The following GABRB1 variants were observed in gnomAD, a reference collection of about 807,000 sequenced individuals.
GABRB1 encodes gamma-aminobutyric acid receptor subunit beta-1.
A neutral mutation model predicts 51.6 loss-of-function variants in GABRB1; 17 were observed. That is an observed-to-expected ratio of 0.33 (90% confidence interval 0.23 to 0.49). The LOEUF is 0.49. Among genes scored for constraint, GABRB1 ranks in the 20% least tolerant of loss-of-function variants. The probability of loss-of-function intolerance (pLI) is 0.99; values close to 1 mark genes in which losing one functional copy is unlikely to be tolerated. For synonymous variants in GABRB1, 247 were observed against 218.9 expected (o/e 1.13, Z -1.14); for missense variants, 410 against 600.6 (o/e 0.68, Z 3.32).
chr4:47,012,702 GTA>G (rs1472864516), intron 1 of GABRB1, among the ~76,000 whole-genome samples: 2 of 152,140 alleles, frequency 1.3e-5, no homozygotes, highest in Non-Finnish European at 2.9e-5. Context: ...GTTGACACAG[GTA>G]TCTGGCTCCT....
chr4:47,023,842 AG>A (rs1401332341), intron 1 of GABRB1, among the ~76,000 whole-genome samples: 2 of 151,986 alleles, frequency 1.3e-5, no homozygotes, highest in African/African-American at 4.8e-5. Flanking sequence ...AAATTGAGTA[AG>A]GGTGTAAACT....
chr4:47,356,886 G>A (rs1412429522), intron 5 of GABRB1, among the ~76,000 whole-genome samples: 1 of 152,040 alleles, frequency 6.6e-6, no homozygotes, highest in Non-Finnish European at 1.5e-5. Context: ...ATTACAGTAG[G>A]TCCTATATGT....
At chr4:47,090,461 C>T (rs995862145) in intron 3 of GABRB1, among the ~76,000 whole-genome samples, 26 of 152,160 alleles carry the variant, frequency 1.7e-4, no homozygotes, top group African/African-American at 5.8e-4. Context: ...AATTTAAACA[C>T]TGCAATGAGA....
chr4:46,995,627 G>A (rs1472264745), intron 1 of GABRB1, among the ~76,000 whole-genome samples: 2 of 152,272 alleles, frequency 1.3e-5, no homozygotes, highest in African/African-American at 4.8e-5. Flanking sequence ...GTCTCCCAAA[G>A]TGCTGGTATG....
intron 3 of GABRB1, among the ~76,000 whole-genome samples, chr4:47,129,131 C>T (rs1199293790): frequency 1.3e-5 from 2 of 152,128 alleles, no homozygotes; most frequent in South Asian, 2.1e-4. Context: ...GTAGCCACAA[C>T]ATAGCAACAA....
intron 4 of GABRB1, among the ~76,000 whole-genome samples, chr4:47,233,091 G>A (rs1354660120): frequency 1.3e-5 from 2 of 152,048 alleles, no homozygotes; most frequent in Admixed American, 1.3e-4. Context: ...GCCCAGGCTG[G>A]TCTTAAACTC....
At chr4:47,138,859 C>T (rs766927924) in intron 3 of GABRB1, among the ~76,000 whole-genome samples, 36 of 151,998 alleles carry the variant, frequency 2.4e-4, no homozygotes, top group Admixed American at 6.6e-4. Context: ...TTTTCTAATA[C>T]ATTTAAATTA....
At chr4:47,094,841 T>C (rs1254236152) in intron 3 of GABRB1, among the ~76,000 whole-genome samples, 1 of 152,090 alleles carries the variant, frequency 6.6e-6, no homozygotes, top group Non-Finnish European at 1.5e-5. Flanking sequence ...TGAGGTCTTA[T>C]ACAAGAGTTG....
intron 5 of GABRB1, among the ~76,000 whole-genome samples, chr4:47,352,144 A>C (rs1318548776): frequency 6.6e-6 from 1 of 152,064 alleles, no homozygotes; most frequent in Non-Finnish European, 1.5e-5. Context: ...TTTGATTTGC[A>C]TTTCTCTGAT....
At chr4:47,345,416 A>C (rs1319241356) in intron 5 of GABRB1, among the ~76,000 whole-genome samples, 2 of 152,184 alleles carry the variant, frequency 1.3e-5, no homozygotes, top group Non-Finnish European at 2.9e-5. Context: ...AAGGAGGTAA[A>C]GAGAGTTTTT....
At chr4:47,425,474 T>G (rs1206481557) in intron 8 of GABRB1, among the ~76,000 whole-genome samples, 200 bp from the exon 9 acceptor site, 2 of 107,936 alleles carry the variant, frequency 1.9e-5, no homozygotes, top group Non-Finnish European at 3.9e-5. Context: ...GGTGGATGGA[T>G]GATGATGATA....
At chr4:47,230,487 T>A (rs933989791) in intron 4 of GABRB1, among the ~76,000 whole-genome samples, 1 of 152,146 alleles carries the variant, frequency 6.6e-6, no homozygotes, top group Non-Finnish European at 1.5e-5. Context: ...GGACACCCAG[T>A]GGCCCCCTTG....
chr4:47,348,460 T>G (rs1332754223), intron 5 of GABRB1, among the ~76,000 whole-genome samples: 1 of 152,218 alleles, frequency 6.6e-6, no homozygotes, highest in African/African-American at 2.4e-5. Flanking sequence ...ATTTAAAATA[T>G]TGCATAAAAT....
Position 47,206,243 on chromosome 4 carries a change from C to T in GABRB1, c.461+44774C>T, listed in dbSNP as rs926805839. On this transcript the variant is annotated intron_variant, in intron 4 of 8. Coordinates refer to ENST00000295454, the MANE Select transcript of GABRB1 (RefSeq NM_000812.4). ...ATGGAGGTTAAAATGCTTGTTGCTA[C>T]GTTTTTATTCTTTGTTTGTTTTAAA... is the stretch of plus-strand genomic sequence containing the variant. Among the ~76,000 whole-genome samples, 6 of 151,940 alleles carry T rather than the reference C, an allele frequency of 3.9e-5. No homozygotes were observed. The East Asian group carries it at 7.7e-4, about 20-fold the overall frequency.
chr4:47,254,398 A>G (rs1578038227), intron 4 of GABRB1, among the ~76,000 whole-genome samples: 1 of 100,004 alleles, frequency 1.0e-5, no homozygotes, highest in East Asian at 3.0e-4. Context: ...TTTTTGAGGC[A>G]GAGTCTCACT....
intron 8 of GABRB1, among the ~76,000 whole-genome samples, 158 bp from the exon 9 acceptor site, chr4:47,425,516 A>AGATAGATAGATAGATC (rs557382638): frequency 1.5e-3 from 223 of 149,536 alleles, no homozygotes; most frequent in Middle Eastern, 3.4e-3. Flanking sequence ...ATAGATAGAT[A>AGATAGATAGATAGATC]GATCGATCGA....
At position 47,037,553 on chromosome 4, in the gene GABRB1, T is replaced by G. The variant is rs571516421; in HGVS notation, c.240+5069T>G. On this transcript the variant is annotated intron_variant, in intron 3 of 8. Coordinates refer to ENST00000295454, the MANE Select transcript of GABRB1 (RefSeq NM_000812.4). ...GTTTTTTTTTGTTGTTGTTGTTGTT[T>G]TTTGTTTTTTTTTTTTACTCTAAGC... Among the ~76,000 whole-genome samples the G allele has an allele frequency of 4.1e-3, 79 of 19,462 alleles. No homozygotes were observed. The East Asian group carries it at 0.13, about 31-fold the overall frequency. The allele number at this position is 19,462 out of a possible 152,430, so 12.8% of individuals were successfully genotyped here. A position where few individuals can be genotyped will look rare whatever the true frequency, so the allele number is the denominator to read the frequency against.
At chr4:47,254,374 T>G (rs1021752238) in intron 4 of GABRB1, among the ~76,000 whole-genome samples, 8 of 124,420 alleles carry the variant, frequency 6.4e-5, no homozygotes, top group African/African-American at 1.2e-4. Flanking sequence ...TTTTTTTTTT[T>G]TTTTTTTTTT....
chr4:47,218,564 T>C (rs971334952), intron 4 of GABRB1, among the ~76,000 whole-genome samples: 1 of 151,974 alleles, frequency 6.6e-6, no homozygotes, highest in African/African-American at 2.4e-5. Flanking sequence ...GTGGATTTAA[T>C]TTACATTTCT....
Sources: allele counts gnomAD v4.1 joint callset (sites outside exome capture counted in the v4.1 genomes callset), GRCh38; gene constraint gnomAD v4.1.1; transcripts MANE v1.5; gene names NCBI Gene and HGNC (gene_info 2026-07-23, HGNC 2026-07-21).